PLA2G2A: variants seen among roughly 807,000 people sequenced by gnomAD.
PLA2G2A encodes phospholipase A2 group IIA, also known as phospholipase A2, membrane associated.
Under a neutral mutation model 11.2 loss-of-function variants are expected in PLA2G2A, and 6 were observed. The observed-to-expected ratio is 0.54, with a 90% CI of 0.29 to 1.06. The LOEUF (loss-of-function observed/expected upper bound fraction) is 1.06, where lower values mean the gene tolerates loss of function less well. Ranked by LOEUF, PLA2G2A falls within the 50% of genes least tolerant of loss-of-function variation. The pLI, the probability that PLA2G2A is intolerant of heterozygous loss-of-function variation, is 0.08. For missense variants in PLA2G2A, 133 were observed against 177.1 expected (o/e 0.75, Z 1.41); for synonymous variants, 69 against 65.8 (o/e 1.05, Z -0.23).
At chr1:19,978,581 T>C in intron 2 of PLA2G2A, 57 bp from the exon 3 acceptor site, 2 of 1,603,170 alleles carry the variant, frequency 1.2e-6, no homozygotes, top group Non-Finnish European at 1.7e-6. Flanking sequence ...GCGCCCTCCC[T>C]CTCTGCCCCT....
chr1:19,980,105 T>A (rs2046279877), upstream of PLA2G2A, among the ~76,000 whole-genome samples: 1 of 152,196 alleles, frequency 6.6e-6, no homozygotes, highest in South Asian at 2.1e-4. Flanking sequence ...ACAGGAAGTA[T>A]GTCCTGGGCC....
Position 19,978,188 on chromosome 1 carries a change from AC to A in PLA2G2A, c.186-68del. 3 of 1,355,094 alleles carry A rather than the reference AC, an allele frequency of 2.2e-6. No individual in the cohort carries two copies. The South Asian group carries it at 3.5e-5, about 16-fold the overall frequency. 83.9% of individuals were successfully genotyped at this position (1,355,094 alleles called of 1,614,324 possible). A position where few individuals can be genotyped will look rare whatever the true frequency, so the allele number is the denominator to read the frequency against. The stretch of plus-strand genomic sequence containing the variant: ...CAGGAGGCCTGGTGCCTGTGGTCTC[AC>A]CCCCTTGGACCCTGGGCAGAGACCC... On this transcript the variant is annotated intron_variant, in intron 3 of 4. Transcript: ENST00000482011.
intron 4 of PLA2G2A, among the ~76,000 whole-genome samples, chr1:19,976,132 C>T (rs1470324838): frequency 2.0e-5 from 3 of 152,196 alleles, no homozygotes; most frequent in Non-Finnish European, 4.4e-5. Flanking sequence ...GGAGGCAAAG[C>T]CCTAGCCTCG....
chr1:19,979,017 G>A (rs909076569), intron 1 of PLA2G2A, 138 bp from the exon 2 acceptor site: 17 of 558,112 alleles, frequency 3.0e-5, no homozygotes, highest in African/African-American at 1.5e-4. Context: ...CTCCTGACCC[G>A]TTCCCAGCTC....
chr1:19,978,307 G>A (rs765160350), intron 3 of PLA2G2A, 73 bp downstream of exon 3: 36 of 1,561,650 alleles, frequency 2.3e-5, no homozygotes, highest in Admixed American at 1.0e-4. Flanking sequence ...ATCAGGAACC[G>A]GCACTGTCTT....
chr1:19,978,235 G>T lies in PLA2G2A; in HGVS notation c.186-114C>A, dbSNP rs1056273092. The T allele has an allele frequency of 4.3e-5, 58 of 1,338,918 alleles. No homozygotes were observed. In the African/African-American group the frequency reaches 6.6e-4, roughly 15 times the overall value. The allele number at this position is 1,338,918 out of a possible 1,614,324, so 82.9% of individuals were successfully genotyped here. A position where few individuals can be genotyped will look rare whatever the true frequency, so the allele number is the denominator to read the frequency against. ...GACCCAGTGACTTTGCAACAGTCTAGAGCAGAAGTTCCAACATGCCGGCTG... is the reference window on the plus strand; with the variant it reads ...GACCCAGTGACTTTGCAACAGTCTATAGCAGAAGTTCCAACATGCCGGCTG... On this transcript the variant is annotated intron_variant, in intron 3 of 4. Coordinates refer to ENST00000482011, the Ensembl canonical transcript of PLA2G2A.
At chr1:19,978,661 G>GAA in intron 2 of PLA2G2A, 73 bp downstream of exon 2, 1 of 1,600,850 alleles carries the variant, frequency 6.2e-7, no homozygotes, top group Admixed American at 1.7e-5. Context: ...CAATGGGAGA[G>GAA]AAAACTAAGG....
chr1:19,976,109 A>G (rs1018571756), intron 4 of PLA2G2A, among the ~76,000 whole-genome samples: 11 of 152,194 alleles, frequency 7.2e-5, no homozygotes, highest in African/African-American at 2.7e-4. Flanking sequence ...CCTCTTGCTA[A>G]CAGATGTGTC....
chr1:19,978,562 T>C, intron 2 of PLA2G2A, 38 bp from the exon 3 acceptor site: 1 of 1,611,424 alleles, frequency 6.2e-7, no homozygotes, highest in Non-Finnish European at 8.5e-7. Context: ...TGATGGGGCA[T>C]GGGGTTCTGC....
At chr1:19,978,817 T>G in exon 2 of PLA2G2A, 1 of 1,597,770 alleles carries the variant, frequency 6.3e-7, no homozygotes, top group Non-Finnish European at 8.6e-7. Flanking sequence ...CTGGCCTAGC[T>G]CCTCTGCTGG....
At chr1:19,977,077 T>C (rs2046230610) in intron 4 of PLA2G2A, among the ~76,000 whole-genome samples, 2 of 152,214 alleles carry the variant, frequency 1.3e-5, no homozygotes, top group Admixed American at 1.3e-4. Flanking sequence ...CTCTCAGGTC[T>C]CTGCTGCTGG....
intron 3 of PLA2G2A, 52 bp from the exon 4 acceptor site, chr1:19,978,173 G>C (rs754028216): frequency 1.4e-6 from 2 of 1,424,596 alleles, no homozygotes. Context: ...CAGGAGGCCT[G>C]GTGCCTGTGG....
At chr1:19,976,873 T>C (rs1213602043) in intron 4 of PLA2G2A, among the ~76,000 whole-genome samples, 1 of 152,220 alleles carries the variant, frequency 6.6e-6, no homozygotes, top group Non-Finnish European at 1.5e-5. Context: ...GAGTCCCTCA[T>C]GCGTTTCTGC....
intron 4 of PLA2G2A, among the ~76,000 whole-genome samples, chr1:19,977,753 C>CACAG (rs1240031281): frequency 6.6e-6 from 1 of 152,236 alleles, no homozygotes; most frequent in African/African-American, 2.4e-5. Context: ...TGACTCTCTG[C>CACAG]ACAGCCTTTC....
intron 4 of PLA2G2A, among the ~76,000 whole-genome samples, chr1:19,976,218 GTGTATCA>G (rs1195859103): frequency 1.3e-5 from 2 of 152,228 alleles, no homozygotes; most frequent in African/African-American, 4.8e-5. Flanking sequence ...ATTGGTCTTT[GTGTATCA>G]TGTAACCTTG....
rs762718766 is a variant in PLA2G2A, at chr1:19,978,556, G to C, written c.41-32C>G. ...GGAAATTTGGGAGTTGTCTGGTGAT[G>C]GGGCATGGGGTTCTGCGCCCTCCCT... On this transcript the variant is annotated intron_variant, in intron 2 of 4. Coordinates refer to ENST00000482011, the Ensembl canonical transcript of PLA2G2A. The C allele has an allele frequency of 8.1e-6, 13 of 1,612,646 alleles. No individual in the cohort carries two copies. In the South Asian group the frequency reaches 1.4e-4, roughly 18 times the overall value.
chr1:19,979,032 G>C, intron 1 of PLA2G2A, 153 bp from the exon 2 acceptor site: 1 of 575,496 alleles, frequency 1.7e-6, no homozygotes, highest in Non-Finnish European at 3.1e-6. Context: ...CAGCTCTGCA[G>C]AATGGTTTCA....
intron 1 of PLA2G2A, 65 bp from the exon 2 acceptor site, chr1:19,978,944 A>G: frequency 1.5e-6 from 1 of 666,440 alleles, no homozygotes; most frequent in South Asian, 1.7e-5. Flanking sequence ...TGTCACACTC[A>G]GAGCACACAA....
At chr1:19,978,996 CA>C in intron 1 of PLA2G2A, 117 bp from the exon 2 acceptor site, 1 of 592,420 alleles carries the variant, frequency 1.7e-6, no homozygotes, top group Admixed American at 2.4e-5. Flanking sequence ...CACACACACA[CA>C]CACAACCACC....
Sources: allele counts gnomAD v4.1 joint callset (sites outside exome capture counted in the v4.1 genomes callset), GRCh38; gene constraint gnomAD v4.1.1; transcripts MANE v1.5; gene names NCBI Gene and HGNC (gene_info 2026-07-23, HGNC 2026-07-21).